The following NRXN3 variants were observed in gnomAD, a reference collection of about 807,000 sequenced individuals.
The protein encoded by NRXN3 is neurexin 3, also known as neurexin III.
A neutral mutation model predicts 137.6 loss-of-function variants in NRXN3; 32 were observed. That is an observed-to-expected ratio of 0.23 (90% CI 0.18 to 0.31). The LOEUF (loss-of-function observed/expected upper bound fraction) is 0.31, where lower values mean the gene tolerates loss of function less well. NRXN3 is among the 10% of genes least tolerant of loss of function. The pLI, the probability that NRXN3 is intolerant of heterozygous loss-of-function variation, is 1.00. For synonymous variants in NRXN3, 798 were observed against 784.5 expected, an observed-to-expected ratio of 1.02 and a Z score of -0.29; for missense variants, 1,574 against 2,062.5, an observed-to-expected ratio of 0.76 and a Z score of 4.59.
chr14:78,572,601 A>T (rs957918901), intron 4 of NRXN3, among the ~76,000 whole-genome samples: 2 of 152,218 alleles, frequency 1.3e-5, no homozygotes, highest in Non-Finnish European at 2.9e-5. Flanking sequence ...GAAGAAGAAG[A>T]ATTGTCTTAG....
intron 15 of NRXN3, among the ~76,000 whole-genome samples, chr14:79,176,525 T>A (rs1419646600): frequency 1.3e-5 from 2 of 152,192 alleles, no homozygotes; most frequent in African/African-American, 4.8e-5. Flanking sequence ...ATTTCAGTCT[T>A]GAGTCCCACC....
intron 15 of NRXN3, among the ~76,000 whole-genome samples, chr14:79,034,365 C>CACACACACACACACACACAA: frequency 6.6e-6 from 1 of 151,728 alleles, no homozygotes; most frequent in East Asian, 1.9e-4. Flanking sequence ...CACACACACA[C>CACACACACACACACACACAA]ACACACACAC....
At chr14:79,693,397 C>T (rs549052259) in intron 18 of NRXN3, among the ~76,000 whole-genome samples, 2 of 152,010 alleles carry the variant, frequency 1.3e-5, no homozygotes, top group South Asian at 2.1e-4. Context: ...ACTGTTTGCC[C>T]TGTTTTTAAT....
intron 1 of NRXN3, among the ~76,000 whole-genome samples, chr14:78,229,298 A>T (rs2065071938): frequency 6.7e-6 from 1 of 148,730 alleles, no homozygotes. Flanking sequence ...TTTCAATCAG[A>T]GTCTTGTGGC....
chr14:79,400,460 A>G (rs1472269565), intron 15 of NRXN3, among the ~76,000 whole-genome samples: 2 of 152,126 alleles, frequency 1.3e-5, no homozygotes, highest in Non-Finnish European at 2.9e-5. Flanking sequence ...GATTTTTTCC[A>G]TTGTATAGAT....
At chr14:79,825,206 C>CTTTTTTTT (rs11449914) in intron 20 of NRXN3, among the ~76,000 whole-genome samples, 2 of 117,782 alleles carry the variant, frequency 1.7e-5, no homozygotes, top group Non-Finnish European at 1.7e-5. Flanking sequence ...TCTTTGTGTG[C>CTTTTTTTT]TTTTTTTTTT....
chr14:79,608,063 C>T (rs1020267823), intron 16 of NRXN3, among the ~76,000 whole-genome samples: 1 of 152,136 alleles, frequency 6.6e-6, no homozygotes, highest in Admixed American at 6.5e-5. Flanking sequence ...TATTATAAAG[C>T]TGTCAACATC....
At chr14:79,694,702 G>GT (rs909345435) in intron 18 of NRXN3, among the ~76,000 whole-genome samples, 15 of 151,872 alleles carry the variant, frequency 9.9e-5, no homozygotes, top group African/African-American at 3.6e-4. Flanking sequence ...AATAGTGATG[G>GT]TTTTTTCTGT....
chr14:79,246,806 A>G (rs1253246223), intron 15 of NRXN3: 4 of 152,022 alleles, frequency 2.6e-5, no homozygotes, highest in Non-Finnish European at 4.4e-5. Context: ...GTAGATAAAA[A>G]TGAGCTGTCC....
intron 16 of NRXN3, among the ~76,000 whole-genome samples, chr14:79,580,736 C>G (rs996381674): frequency 1.3e-5 from 2 of 151,954 alleles, no homozygotes; most frequent in African/African-American, 4.8e-5. Flanking sequence ...TGTTATTCTG[C>G]TTTGGCTTAA....
chr14:79,166,220 G>T (rs1379154315), intron 15 of NRXN3, among the ~76,000 whole-genome samples: 2 of 151,916 alleles, frequency 1.3e-5, no homozygotes, highest in Admixed American at 1.3e-4. Context: ...TCCCTTTGGT[G>T]GGGTAAACAC....
intron 4 of NRXN3, among the ~76,000 whole-genome samples, chr14:78,540,077 T>C (rs1008311530): frequency 1.3e-5 from 2 of 152,236 alleles, no homozygotes; most frequent in African/African-American, 4.8e-5. Context: ...GAAGAATGTA[T>C]ATTCTGTTGA....
At chr14:79,317,435 T>A (rs2089043757) in intron 15 of NRXN3, among the ~76,000 whole-genome samples, 1 of 152,184 alleles carries the variant, frequency 6.6e-6, no homozygotes, top group Non-Finnish European at 1.5e-5. Context: ...CCTCTTCACA[T>A]AAGGATGCAA....
chr14:78,215,947 T>C (rs996598893), intron 1 of NRXN3, among the ~76,000 whole-genome samples: 1 of 152,184 alleles, frequency 6.6e-6, no homozygotes, highest in South Asian at 2.1e-4. Flanking sequence ...TCAGCAGTGA[T>C]TGATAAACTG....
intron 15 of NRXN3, among the ~76,000 whole-genome samples, chr14:78,993,834 ATTTT>A (rs58170856): frequency 1.4e-3 from 95 of 66,944 alleles, no homozygotes; most frequent in African/African-American, 3.9e-3. Context: ...GAGCCTTGAA[ATTTT>A]TTTTTTTTTT....
At chr14:79,834,609 G>T (rs1305707186) in intron 20 of NRXN3, among the ~76,000 whole-genome samples, 1 of 152,014 alleles carries the variant, frequency 6.6e-6, no homozygotes, top group Non-Finnish European at 1.5e-5. Flanking sequence ...CCCTAAACAT[G>T]ACACAAAAGG....
At chr14:78,357,352 G>A (rs563029604) in intron 4 of NRXN3, among the ~76,000 whole-genome samples, 10 of 152,076 alleles carry the variant, frequency 6.6e-5, no homozygotes, top group African/African-American at 1.7e-4. Context: ...GGAAAGGCCC[G>A]CCGCCATAAA....
intron 15 of NRXN3, among the ~76,000 whole-genome samples, chr14:79,022,543 C>T (rs1050987806): frequency 1.3e-5 from 2 of 152,164 alleles, no homozygotes; most frequent in Non-Finnish European, 2.9e-5. Context: ...GAAAATCCAT[C>T]ATTTCATAAC....
At chr14:79,291,163 T>C (rs964075173) in intron 15 of NRXN3, among the ~76,000 whole-genome samples, 4 of 152,212 alleles carry the variant, frequency 2.6e-5, no homozygotes, top group African/African-American at 9.6e-5. Context: ...TGTTCTCTTT[T>C]CTTAAAACAA....
Sources: allele counts gnomAD v4.1 joint callset (sites outside exome capture counted in the v4.1 genomes callset), GRCh38; gene constraint gnomAD v4.1.1; transcripts MANE v1.5; gene names NCBI Gene and HGNC (gene_info 2026-07-23, HGNC 2026-07-21).